TMEM253: variants seen among roughly 807,000 people sequenced by gnomAD.
TMEM253 encodes transmembrane protein 253.
TMEM253 carries 22 observed loss-of-function variants against 20.3 expected under a neutral mutation model. The observed-to-expected ratio is 1.08, with a 90% CI of 0.78 to 1.55. The LOEUF (loss-of-function observed/expected upper bound fraction) is 1.55, where lower values mean the gene tolerates loss of function less well. Ranked by LOEUF, TMEM253 falls within the 40% of genes most tolerant of loss-of-function variation. The pLI is 0.00. For synonymous variants in TMEM253, 92 were observed against 102.6 expected, an observed-to-expected ratio of 0.90 and a Z score of 0.62; for missense variants, 251 against 266.1, an observed-to-expected ratio of 0.94 and a Z score of 0.39.
chr14:21,102,657 C>G (rs1889720006), exon 6 of TMEM253: 1 of 1,551,410 alleles, frequency 6.4e-7, no homozygotes, highest in Non-Finnish European at 8.7e-7. Flanking sequence ...GGTGCTGGAA[C>G]TCAGTGCTGA....
In TMEM253 at chr14:21,102,675, A is replaced by T. The variant is rs781548220; in HGVS notation, c.430A>T (p.Thr144Ser). Residue 144 changes from threonine to serine, a missense_variant, in exon 6 of 7, where the codon ACC becomes TCC. By Grantham distance (58) the Thr-to-Ser change is moderately conservative (BLOSUM62 1). Coordinates refer to ENST00000556585, the Ensembl canonical transcript of TMEM253. ...GCTGGAACTCAGTGCTGAGGCCTTC[A>T]CCCTAGGGGGAGTGCTGGTCTCAGT... 4.5e-6 allele frequency: 7 copies of T among 1,551,386 alleles called. 1 individual carries two copies. The Middle Eastern group carries it at 6.7e-4, about 148-fold the overall frequency.
At chr14:21,102,697 C>T in exon 6 of TMEM253, 2 of 1,551,598 alleles carry the variant, frequency 1.3e-6, no homozygotes, top group Non-Finnish European at 1.7e-6. Context: ...GTGCTGGTCT[C>T]AGTGCACGCC....
At chr14:21,099,134 G>C (rs775042924), upstream of TMEM253, 38 of 217,868 alleles carry the variant, frequency 1.7e-4, no homozygotes, top group Non-Finnish European at 3.3e-4. Flanking sequence ...TGGGCTCAGC[G>C]CTGTGAGGGA....
upstream of TMEM253, among the ~76,000 whole-genome samples, chr14:21,100,646 A>G (rs1889577161): frequency 6.6e-6 from 1 of 152,174 alleles, no homozygotes; most frequent in South Asian, 2.1e-4. Flanking sequence ...TTCAGTTCAG[A>G]GTAAAACCTT....
At chr14:21,102,065 G>C (rs762619558) in exon 4 of TMEM253, 8 of 1,551,270 alleles carry the variant, frequency 5.2e-6, no homozygotes, top group Non-Finnish European at 7.0e-6. Flanking sequence ...ACCATTCAGG[G>C]TCTCCTCACT....
upstream of TMEM253, among the ~76,000 whole-genome samples, chr14:21,100,734 G>T (rs1480843672): frequency 3.3e-5 from 5 of 152,266 alleles, no homozygotes; most frequent in South Asian, 1.0e-3. Context: ...CTGGTCTGGG[G>T]GCAAAGCTGC....
exon 7 of TMEM253, chr14:21,103,370 A>C: frequency 1.4e-6 from 2 of 1,446,844 alleles, no homozygotes; most frequent in Non-Finnish European, 1.8e-6. Context: ...CACTCAAAGC[A>C]GGCCCTTTTT....
upstream of TMEM253, among the ~76,000 whole-genome samples, chr14:21,099,458 G>C (rs974885124): frequency 5.9e-5 from 9 of 152,046 alleles, no homozygotes; most frequent in African/African-American, 2.2e-4. Flanking sequence ...CAGTTTTCTG[G>C]ATCTCTTTAA....
rs1889685220 is a variant in TMEM253, at chr14:21,102,196, A to G, written c.276+76A>G. The G allele has an allele frequency of 4.3e-5, 64 of 1,480,854 alleles. No individual in the cohort carries two copies. The South Asian group carries it at 8.1e-4, about 19-fold the overall frequency. The allele number at this position is 1,480,854 out of a possible 1,614,324, so 91.7% of individuals were successfully genotyped here. A position where few individuals can be genotyped will look rare whatever the true frequency, so the allele number is the denominator to read the frequency against. ...CCTACAACCCTCAGCCTAGGAAGTA[A>G]GTGGCTAAGTGTTGACTCATTCTCT... is the stretch of plus-strand genomic sequence containing the variant. On this transcript the variant is annotated intron_variant, in intron 4 of 6. Coordinates refer to ENST00000556585, the Ensembl canonical transcript of TMEM253.
rs778750437 is a variant in TMEM253, at chr14:21,101,994, G to A, written c.219+19G>A. The stretch of plus-strand genomic sequence containing the variant: ...AGCCTCAGTAAGACCCACCACAAGG[G>A]AGGGTGGAAGGTCCCAGGGCCCCTT... On this transcript the variant is annotated intron_variant, in intron 3 of 6. Coordinates refer to ENST00000556585, the Ensembl canonical transcript of TMEM253. The A allele has an allele frequency of 1.4e-4, 212 of 1,551,040 alleles. No homozygotes were observed. The highest frequency in any genetic ancestry group is 1.8e-4 in the Non-Finnish European group (203 of 1,146,514).
chr14:21,103,195 C>A, exon 7 of TMEM253: 5 of 1,551,682 alleles, frequency 3.2e-6, no homozygotes, highest in Non-Finnish European at 4.4e-6. Flanking sequence ...CGGTGGCCAG[C>A]ACAGGAGCAA....
chr14:21,101,119 C>T lies in TMEM253; in HGVS notation c.-102C>T, dbSNP rs1594610580. The T allele has an allele frequency of 1.1e-5, 5 of 434,900 alleles. No homozygotes were observed. The Middle Eastern group carries it at 1.9e-3, about 169-fold the overall frequency. 26.9% of individuals were successfully genotyped at this position (434,900 alleles called of 1,614,324 possible). ...AAGTTTGTCGTCTGCTCTGAGCTATCAAGCCCCTTAGGAGACCTAGGACCC... is the reference window on the plus strand; with the variant it reads ...AAGTTTGTCGTCTGCTCTGAGCTATTAAGCCCCTTAGGAGACCTAGGACCC... On this transcript the variant is annotated 5_prime_UTR_variant, in exon 1 of 7. Coordinates refer to ENST00000556585, the Ensembl canonical transcript of TMEM253.
At chr14:21,103,587 A>C in exon 7 of TMEM253, 1 of 264,638 alleles carries the variant, frequency 3.8e-6, no homozygotes, top group South Asian at 4.4e-5. Flanking sequence ...GCACACGCCA[A>C]CTCCCTGAAT....
chr14:21,102,169 C>A (rs1280422852), intron 4 of TMEM253, 49 bp downstream of exon 4: 1 of 1,521,636 alleles, frequency 6.6e-7, no homozygotes, highest in East Asian at 2.5e-5. Flanking sequence ...CTAAAACAGA[C>A]ACCTACAACC....
At chr14:21,103,417 G>A (rs1472477097) in exon 7 of TMEM253, 3 of 1,232,784 alleles carry the variant, frequency 2.4e-6, no homozygotes, top group Non-Finnish European at 3.3e-6. Context: ...ACACCTGGAC[G>A]AGAATATATC....
rs1889601464 is a variant in TMEM253, at chr14:21,101,188, G to A, written c.-37+4G>A. 1 of 642,914 alleles carries A rather than the reference G, an allele frequency of 1.6e-6. No homozygotes were observed. The highest frequency in any genetic ancestry group is 2.6e-6 in the Non-Finnish European group (1 of 377,374). 39.8% of individuals were successfully genotyped at this position (642,914 alleles called of 1,614,324 possible). A position where few individuals can be genotyped will look rare whatever the true frequency, so the allele number is the denominator to read the frequency against. ...TGGAGTAGCTGCTTCAGACTAGGTA[G>A]GTGTGAGGACCTGGACCTCAAATCC... On this transcript the variant is annotated splice_donor_region_variant and intron_variant, in intron 1 of 6. Coordinates refer to ENST00000556585, the Ensembl canonical transcript of TMEM253.
At chr14:21,101,536 T>G in intron 2 of TMEM253, 85 bp downstream of exon 2, 1 of 1,276,972 alleles carries the variant, frequency 7.8e-7, no homozygotes, top group Non-Finnish European at 1.1e-6. Flanking sequence ...CCATGTTAAG[T>G]GAGCACCTAC....
chr14:21,101,730 C>T (rs980811772), intron 2 of TMEM253, 135 bp from the exon 3 acceptor site: 12 of 714,216 alleles, frequency 1.7e-5, no homozygotes, highest in Non-Finnish European at 2.8e-5. Context: ...TTAATGATCA[C>T]GTCCTTGCTC....
exon 7 of TMEM253, chr14:21,103,257 G>C: frequency 5.2e-6 from 8 of 1,551,150 alleles, no homozygotes; most frequent in Non-Finnish European, 7.0e-6. Context: ...CTTCCACCCT[G>C]AGAGAATGCT....
Sources: allele counts gnomAD v4.1 joint callset (sites outside exome capture counted in the v4.1 genomes callset), GRCh38; gene constraint gnomAD v4.1.1; transcripts MANE v1.5; gene names NCBI Gene and HGNC (gene_info 2026-07-23, HGNC 2026-07-21).